The following GPC6 variants were observed in gnomAD, a reference collection of about 807,000 sequenced individuals.
GPC6 encodes the protein glypican-6.
In GPC6, 14 loss-of-function variants were observed where a neutral mutation model predicts 55.2. The observed-to-expected ratio is 0.25, with a 90% confidence interval of 0.17 to 0.40. The LOEUF (loss-of-function observed/expected upper bound fraction) is 0.40, where lower values mean the gene tolerates loss of function less well. Ranked by LOEUF, GPC6 falls within the 10% of genes least tolerant of loss-of-function variation. The pLI is 1.00. For synonymous variants in GPC6, 278 were observed against 259.6 expected (o/e 1.07, Z -0.68); for missense variants, 641 against 708.5 (o/e 0.90, Z 1.08).
intron 2 of GPC6, among the ~76,000 whole-genome samples, chr13:93,788,543 A>ACACACACC (rs1395809809): frequency 6.6e-6 from 1 of 150,586 alleles, no homozygotes. Flanking sequence ...ACACACACAC[A>ACACACACC]CCTTGTCTGC....
chr13:93,745,047 A>G (rs1022262653), intron 2 of GPC6, among the ~76,000 whole-genome samples: 6 of 151,930 alleles, frequency 3.9e-5, no homozygotes, highest in African/African-American at 1.5e-4. Context: ...CCCAACTCCA[A>G]TCTGAGCTCA....
chr13:93,500,629 C>G (rs531620775), intron 1 of GPC6, among the ~76,000 whole-genome samples: 36 of 152,102 alleles, frequency 2.4e-4, no homozygotes, highest in Admixed American at 8.5e-4. Flanking sequence ...GGAACCAAAT[C>G]AATGCATGAT....
chr13:93,903,150 G>A (rs1251400248), intron 3 of GPC6, among the ~76,000 whole-genome samples: 1 of 152,142 alleles, frequency 6.6e-6, no homozygotes, highest in African/African-American at 2.4e-5. Context: ...ACATGACATT[G>A]GTCTGGGCAA....
At chr13:94,158,032 C>A (rs1287694663) in intron 4 of GPC6, among the ~76,000 whole-genome samples, 1 of 152,164 alleles carries the variant, frequency 6.6e-6, no homozygotes, top group Non-Finnish European at 1.5e-5. Context: ...TCCCCACTAA[C>A]CTGCCAATAT....
intron 4 of GPC6, among the ~76,000 whole-genome samples, chr13:94,105,540 G>T (rs528609730): frequency 6.6e-6 from 1 of 152,280 alleles, no homozygotes; most frequent in African/African-American, 2.4e-5. Flanking sequence ...GTAAATTTTT[G>T]TGTTATCAGC....
At chr13:94,050,851 C>T (rs753927511) in intron 4 of GPC6, among the ~76,000 whole-genome samples, 25 of 152,158 alleles carry the variant, frequency 1.6e-4, no homozygotes, top group Non-Finnish European at 3.4e-4. Context: ...GCCACTCCTT[C>T]AGTGCCTACC....
intron 3 of GPC6, among the ~76,000 whole-genome samples, chr13:94,023,033 A>C (rs765839444): frequency 3.3e-5 from 5 of 152,094 alleles, no homozygotes; most frequent in Non-Finnish European, 7.4e-5. Flanking sequence ...TTACAGCTAC[A>C]TTATTTAAAA....
chr13:94,324,993 CCTCG>C (rs1469649207), intron 6 of GPC6, among the ~76,000 whole-genome samples: 1 of 152,092 alleles, frequency 6.6e-6, no homozygotes, highest in East Asian at 1.9e-4. Context: ...ACGTTAGAAT[CCTCG>C]TGGTGTCTGT....
chr13:93,570,037 C>T (rs1240817612), intron 2 of GPC6, among the ~76,000 whole-genome samples: 1 of 152,072 alleles, frequency 6.6e-6, no homozygotes, highest in Non-Finnish European at 1.5e-5. Flanking sequence ...TATTTAATGT[C>T]ACTGAATATT....
At chr13:93,655,804 T>C (rs1025948905) in intron 2 of GPC6, among the ~76,000 whole-genome samples, 2 of 152,224 alleles carry the variant, frequency 1.3e-5, no homozygotes, top group Non-Finnish European at 2.9e-5. Context: ...ATAGGGAACT[T>C]GGCTTTCCTA....
chr13:93,712,281 T>A (rs1470841258), intron 2 of GPC6, among the ~76,000 whole-genome samples: 3 of 151,722 alleles, frequency 2.0e-5, no homozygotes, highest in Admixed American at 2.0e-4. Context: ...TGACAAAGAA[T>A]GAGAGAGAAG....
In GPC6 at chr13:94,353,239, G is replaced by A. The variant is rs767582164; in HGVS notation, c.1153-29175G>A. ...ATGGGAACACACTGTGCATGGCATC[G>A]AAGTTCAAGACCACCGACAAGCAAA... On this transcript the variant is annotated intron_variant, in intron 6 of 8. Transcript: ENST00000377047. Among the ~76,000 whole-genome samples, 19 of 151,880 alleles carry A rather than the reference G, an allele frequency of 1.3e-4. 1 individual carries two copies. Among genetic ancestry groups the A allele is most frequent in the Admixed American group, 1.2e-3 (18 of 15,244 alleles).
chr13:94,165,072 C>CT (rs1246606389), intron 4 of GPC6, among the ~76,000 whole-genome samples: 2 of 151,848 alleles, frequency 1.3e-5, no homozygotes, highest in African/African-American at 4.8e-5. Flanking sequence ...AAAAAAGTCA[C>CT]TATACAAAAA....
intron 2 of GPC6, among the ~76,000 whole-genome samples, chr13:93,633,100 T>G (rs565288366): frequency 6.6e-6 from 1 of 152,338 alleles, no homozygotes; most frequent in South Asian, 2.1e-4. Flanking sequence ...ATGCATTTGT[T>G]GAATTCTGCA....
chr13:94,311,713 C>A (rs1466061047), intron 6 of GPC6, among the ~76,000 whole-genome samples: 1 of 152,154 alleles, frequency 6.6e-6, no homozygotes, highest in Non-Finnish European at 1.5e-5. Context: ...AGATCATATG[C>A]CCATATCCAT....
At chr13:93,293,936 T>C (rs898010685) in intron 1 of GPC6, among the ~76,000 whole-genome samples, 1 of 151,178 alleles carries the variant, frequency 6.6e-6, no homozygotes, top group Non-Finnish European at 1.5e-5. Flanking sequence ...CTATTCTTAC[T>C]TCAATTATCG....
intron 2 of GPC6, among the ~76,000 whole-genome samples, chr13:93,820,290 A>T (rs1886999957): frequency 6.6e-6 from 1 of 152,096 alleles, no homozygotes; most frequent in Admixed American, 6.6e-5. Context: ...GATTTACTTG[A>T]CTTACTGAAT....
chr13:93,490,354 G>T (rs1245448295), intron 1 of GPC6, among the ~76,000 whole-genome samples: 1 of 150,494 alleles, frequency 6.6e-6, no homozygotes, highest in Admixed American at 6.6e-5. Context: ...CACTGCCAAG[G>T]CTTTTACAAG....
chr13:93,709,827 T>G (rs895491140), intron 2 of GPC6, among the ~76,000 whole-genome samples: 6 of 151,742 alleles, frequency 4.0e-5, no homozygotes, highest in African/African-American at 1.5e-4. Context: ...AGAGAAAAGA[T>G]TTGAGTAGTT....
Sources: allele counts gnomAD v4.1 joint callset (sites outside exome capture counted in the v4.1 genomes callset), GRCh38; gene constraint gnomAD v4.1.1; transcripts MANE v1.5; gene names NCBI Gene and HGNC (gene_info 2026-07-23, HGNC 2026-07-21).